DYNC1I1: variants seen among roughly 807,000 people sequenced by gnomAD.
DYNC1I1 encodes the protein dynein cytoplasmic 1 intermediate chain 1, also known as cytoplasmic dynein 1 intermediate chain 1.
Under a neutral mutation model 86.6 loss-of-function variants are expected in DYNC1I1, and 43 were observed. That is an observed-to-expected ratio of 0.50 (90% confidence interval 0.39 to 0.64). The LOEUF is 0.64. Among genes scored for constraint, DYNC1I1 ranks in the 30% least tolerant of loss-of-function variants. The probability of loss-of-function intolerance (pLI) is 0.00; values close to 1 mark genes in which losing one functional copy is unlikely to be tolerated. For synonymous variants in DYNC1I1, 262 were observed against 283.7 expected, an observed-to-expected ratio of 0.92 and a Z score of 0.77; for missense variants, 604 against 788.8, an observed-to-expected ratio of 0.77 and a Z score of 2.81.
Position 96,090,403 on chromosome 7 carries a change from C to T in DYNC1I1, c.1777-7080C>T, listed in dbSNP as rs551109216. Among the ~76,000 whole-genome samples, 5 of 152,022 alleles carry T rather than the reference C, an allele frequency of 3.3e-5. No individual in the cohort carries two copies. The East Asian group carries it at 7.7e-4, about 23-fold the overall frequency. ...AAGGATATATATTTCCTTCTATATT[C>T]GCTGGCTTATTGAAATTGATAGAGA... is the stretch of plus-strand genomic sequence containing the variant. On this transcript the variant is annotated intron_variant, in intron 16 of 16. Coordinates refer to ENST00000447467, the MANE Select transcript of DYNC1I1 (RefSeq NM_001135556.2).
chr7:96,103,665 T>C (rs1287925869), intron 16 of DYNC1I1, among the ~76,000 whole-genome samples: 1 of 148,878 alleles, frequency 6.7e-6, no homozygotes, highest in Non-Finnish European at 1.5e-5. Flanking sequence ...CAAGCTGGAG[T>C]GCGGTAACAT....
chr7:96,032,566 G>A (rs1794838425), intron 11 of DYNC1I1, 101 bp from the exon 12 acceptor site: 1 of 883,652 alleles, frequency 1.1e-6, no homozygotes, highest in Non-Finnish European at 1.8e-6. Context: ...GTAGGATTAT[G>A]TTACTCTTTA....
intron 4 of DYNC1I1, among the ~76,000 whole-genome samples, chr7:95,817,047 T>C (rs1794962690): frequency 6.6e-6 from 1 of 152,036 alleles, no homozygotes; most frequent in Non-Finnish European, 1.5e-5. Context: ...GTGAATTCCT[T>C]GAAAGTAGGG....
intron 6 of DYNC1I1, among the ~76,000 whole-genome samples, chr7:95,873,175 A>G (rs1050642691): frequency 1.3e-5 from 2 of 152,294 alleles, no homozygotes; most frequent in South Asian, 4.1e-4. Context: ...ATCTCTACTC[A>G]GGCCCAGTAG....
chr7:95,952,810 A>G (rs1298730712), intron 6 of DYNC1I1, among the ~76,000 whole-genome samples: 2 of 151,816 alleles, frequency 1.3e-5, no homozygotes, highest in African/African-American at 4.8e-5. Context: ...CTGTCCTTTT[A>G]TGCATTGTGT....
At chr7:95,902,185 A>G (rs2116312667) in intron 6 of DYNC1I1, among the ~76,000 whole-genome samples, 1 of 152,306 alleles carries the variant, frequency 6.6e-6, no homozygotes, top group South Asian at 2.1e-4. Flanking sequence ...TTGGTATATG[A>G]GCCCAGGAGA....
intron 6 of DYNC1I1, among the ~76,000 whole-genome samples, chr7:95,908,288 G>A (rs1003750131): frequency 2.0e-5 from 3 of 152,060 alleles, no homozygotes; most frequent in African/African-American, 7.2e-5. Flanking sequence ...TTTTGCAAAT[G>A]AGCTATTTTT....
intron 6 of DYNC1I1, among the ~76,000 whole-genome samples, chr7:95,920,501 G>A (rs1263754494): frequency 1.3e-5 from 2 of 152,154 alleles, no homozygotes. Flanking sequence ...TAGAGTGTCC[G>A]TATTGGTTGA....
chr7:96,041,873 T>C (rs1789061984), intron 14 of DYNC1I1, among the ~76,000 whole-genome samples: 1 of 152,168 alleles, frequency 6.6e-6, no homozygotes, highest in Non-Finnish European at 1.5e-5. Context: ...TTACATTTGA[T>C]TTTGGAACCA....
At chr7:96,068,879 G>A (rs1790075560) in intron 14 of DYNC1I1, among the ~76,000 whole-genome samples, 1 of 152,152 alleles carries the variant, frequency 6.6e-6, no homozygotes. Flanking sequence ...GGCAGTTTAA[G>A]GGCGAGGGTG....
intron 6 of DYNC1I1, among the ~76,000 whole-genome samples, chr7:95,876,821 A>G (rs1024110082): frequency 1.3e-5 from 2 of 152,204 alleles, no homozygotes; most frequent in African/African-American, 4.8e-5. Flanking sequence ...GATAGAGCAC[A>G]TGGGGCATGT....
At chr7:96,010,465 G>A (rs949695190) in intron 10 of DYNC1I1, among the ~76,000 whole-genome samples, 1 of 152,196 alleles carries the variant, frequency 6.6e-6, no homozygotes. Flanking sequence ...TTATTAGGCA[G>A]GGAAAACTAG....
chr7:95,985,066 T>G (rs1793552790), intron 8 of DYNC1I1, 89 bp downstream of exon 8: 1 of 1,547,822 alleles, frequency 6.5e-7, no homozygotes, highest in South Asian at 1.2e-5. Context: ...AAATTCCAAA[T>G]TAAGAAATCA....
chr7:96,063,679 A>G (rs1205349043), intron 14 of DYNC1I1, among the ~76,000 whole-genome samples: 1 of 152,150 alleles, frequency 6.6e-6, no homozygotes, highest in African/African-American at 2.4e-5. Context: ...TTTAATCTTA[A>G]TTATTTCTTT....
At position 95,937,887 on chromosome 7, in the gene DYNC1I1, GA is replaced by G. The variant is rs547675421; in HGVS notation, c.491-39624del. On this transcript the variant is annotated intron_variant, in intron 6 of 16. Coordinates refer to ENST00000447467, the MANE Select transcript of DYNC1I1 (RefSeq NM_001135556.2). The stretch of plus-strand genomic sequence containing the variant: ...CTCCTCCAGACACTGCTAACACCTT[GA>G]TGTTTGCCATGTATGTATAATATAT... Among the ~76,000 whole-genome samples the G allele has an allele frequency of 1.4e-3, 207 of 152,060 alleles. 1 individual carries two copies. The highest frequency in any genetic ancestry group is 4.8e-3 in the African/African-American group (200 of 41,494).
intron 6 of DYNC1I1, among the ~76,000 whole-genome samples, chr7:95,892,736 C>T (rs886068964): frequency 1.4e-4 from 21 of 152,178 alleles, no homozygotes; most frequent in East Asian, 3.9e-4. Flanking sequence ...TGTGAGCCAC[C>T]GCACCTGGCC....
downstream of DYNC1I1, chr7:96,098,543 G>A: frequency 4.8e-6 from 3 of 622,636 alleles, no homozygotes; most frequent in Non-Finnish European, 6.0e-6. Context: ...GAATTTATTT[G>A]AGCAGCCAAC....
intron 14 of DYNC1I1, among the ~76,000 whole-genome samples, chr7:96,046,887 G>A (rs1173587532): frequency 6.6e-6 from 1 of 152,164 alleles, no homozygotes; most frequent in Non-Finnish European, 1.5e-5. Context: ...TCAGTGGTCT[G>A]GGCATGCTTA....
chr7:96,065,258 T>C (rs1789931486), intron 14 of DYNC1I1, among the ~76,000 whole-genome samples: 1 of 152,084 alleles, frequency 6.6e-6, no homozygotes, highest in African/African-American at 2.4e-5. Flanking sequence ...TTCTCCTGCT[T>C]TGTCTAGGTC....
Sources: gnomAD v4.1 joint callset for allele counts (sites outside exome capture counted in the v4.1 genomes callset) on GRCh38, gnomAD v4.1.1 for gene constraint, MANE v1.5 for transcripts, NCBI Gene and HGNC (gene_info 2026-07-23, HGNC 2026-07-21) for gene names.